SASH1: variants seen among roughly 807,000 people sequenced by gnomAD.
The protein encoded by SASH1 is SAM and SH3 domain-containing protein 1.
In SASH1, 44 loss-of-function variants were observed where a neutral mutation model predicts 125.2. The ratio of observed to expected loss-of-function variants is 0.35; its 90% CI spans 0.28 to 0.45. The LOEUF (loss-of-function observed/expected upper bound fraction) is 0.45, where lower values mean the gene tolerates loss of function less well. SASH1 is among the 20% of genes least tolerant of loss of function. SASH1 has a pLI of 1.00. For synonymous variants in SASH1, 639 were observed against 649.1 expected (o/e 0.98, Z 0.24); for missense variants, 1,426 against 1,614.5 (o/e 0.88, Z 2.00).
chr6:148,488,306 A>G (rs759464768), intron 8 of SASH1, among the ~76,000 whole-genome samples: 14 of 152,252 alleles, frequency 9.2e-5, no homozygotes, highest in Non-Finnish European at 1.3e-4. Flanking sequence ...TCCACGCTGC[A>G]GCATGTATCA....
upstream of SASH1, among the ~76,000 whole-genome samples, chr6:148,269,760 G>A (rs1166393522): frequency 6.6e-6 from 1 of 152,076 alleles, no homozygotes; most frequent in Non-Finnish European, 1.5e-5. Flanking sequence ...AGGGGTGTGG[G>A]GGGGCACAAT....
intron 1 of SASH1, among the ~76,000 whole-genome samples, chr6:148,370,366 A>G (rs1232905799): frequency 1.3e-5 from 2 of 152,218 alleles, no homozygotes; most frequent in Non-Finnish European, 2.9e-5. Flanking sequence ...AAGTTTTGAA[A>G]TACTGGTCCC....
At chr6:148,334,682 C>T (rs1447556330) in intron 1 of SASH1, among the ~76,000 whole-genome samples, 1 of 149,246 alleles carries the variant, frequency 6.7e-6, no homozygotes, top group Non-Finnish European at 1.5e-5. Flanking sequence ...TGTGGTGGCA[C>T]GCGCGTGTAA....
intron 1 of SASH1, among the ~76,000 whole-genome samples, chr6:148,371,051 G>A (rs1039769277): frequency 3.3e-5 from 5 of 152,142 alleles, no homozygotes; most frequent in South Asian, 4.1e-4. Flanking sequence ...CTTGAATGTT[G>A]CTGTGAGAAT....
At chr6:148,332,394 A>C (rs1781020935) in intron 1 of SASH1, among the ~76,000 whole-genome samples, 1 of 152,242 alleles carries the variant, frequency 6.6e-6, no homozygotes, top group East Asian at 1.9e-4. Flanking sequence ...ATGGTAAAAA[A>C]TAAATTGGAC....
At chr6:148,221,411 T>A in the SASH1 span, among the ~76,000 whole-genome samples, 2 of 152,216 alleles carry the variant, frequency 1.3e-5, no homozygotes, top group Admixed American at 6.5e-5. Context: ...ATCTTTTGCA[T>A]AGCTGTATGC....
chr6:148,448,077 C>T (rs1776885521), intron 4 of SASH1, among the ~76,000 whole-genome samples: 1 of 151,606 alleles, frequency 6.6e-6, no homozygotes, highest in Non-Finnish European at 1.5e-5. Context: ...TTGGCCTCTA[C>T]ACCCCCTGGA....
rs755726868 is a variant in SASH1 at position 148,544,454 on chromosome 6, G to T, written c.2984G>T (p.Arg995Leu). The change falls in exon 18 of 20, where the codon CGC (arginine) becomes CTC (leucine). Residue 995 changes from arginine (R) to leucine (L), a missense_variant. Around this residue, in one of 3 missense-constraint regions of SASH1, gnomAD observed 634 missense variants for 694.4 expected, o/e 0.91. Transcript: ENST00000367467. This position sits in a 1 kb window ranked among gnomAD's most constrained non-coding sequence, Gnocchi z 6.4. ...GTTCCTGCCAAAAAGAGCAGAGAAC[G>T]CCTTGCTAACGGACTCCACCCTGTT... ...PPVPAKKSRE[R>L]LANGLHPVPM... The T allele has an allele frequency of 4.3e-6, 7 of 1,614,002 alleles. No individual in the cohort carries two copies. In the South Asian group the frequency reaches 7.7e-5, roughly 18 times the overall value.
At chr6:148,434,289 G>A (rs1776201913) in intron 2 of SASH1, among the ~76,000 whole-genome samples, 1 of 151,638 alleles carries the variant, frequency 6.6e-6, no homozygotes, top group South Asian at 2.1e-4. Context: ...GTTAGCCAGG[G>A]TGGTCTCAAT....
Position 148,551,415 on chromosome 6 carries a change from A to C in SASH1, c.*2857A>C, listed in dbSNP as rs1181253806. 1 of 152,592 alleles carries C rather than the reference A, an allele frequency of 6.6e-6. No individual in the cohort carries two copies. Among genetic ancestry groups the C allele is most frequent in the African/African-American group, 2.4e-5 (1 of 41,452 alleles). The allele number at this position is 152,592 out of a possible 1,614,324, so 9.5% of individuals were successfully genotyped here. ...AACATTGTGTATGATTTTCACTTCAAAGCTGTCTGGAAGGAAATGCAGTCA... is the reference window on the plus strand; with the variant it reads ...AACATTGTGTATGATTTTCACTTCACAGCTGTCTGGAAGGAAATGCAGTCA... On this transcript the variant is annotated 3_prime_UTR_variant, in exon 20 of 20. Transcript: ENST00000367467.
chr6:148,282,119 T>C (rs1234026398), intron 1 of SASH1, among the ~76,000 whole-genome samples: 1 of 152,166 alleles, frequency 6.6e-6, no homozygotes, highest in Non-Finnish European at 1.5e-5. Flanking sequence ...GTATCCCCAC[T>C]TCAGGGTCCA....
At chr6:148,390,558 G>A (rs1214571062) in intron 2 of SASH1, among the ~76,000 whole-genome samples, 3 of 152,164 alleles carry the variant, frequency 2.0e-5, no homozygotes, top group Non-Finnish European at 4.4e-5. Context: ...AGGCCCAGGC[G>A]GGCGGATCAC....
At chr6:148,199,805 A>AG in the SASH1 span, among the ~76,000 whole-genome samples, 29 of 151,894 alleles carry the variant, frequency 1.9e-4, no homozygotes, top group African/African-American at 6.8e-4. Flanking sequence ...AGAGAGAGAA[A>AG]GAAAAAGAGA....
At chr6:148,545,854 T>C (rs1347445920) in intron 18 of SASH1, among the ~76,000 whole-genome samples, 161 bp from the exon 19 acceptor site, 1 of 152,250 alleles carries the variant, frequency 6.6e-6, no homozygotes, top group African/African-American at 2.4e-5. Flanking sequence ...GGCGAGAAGA[T>C]CGCTTGAGCC....
intron 1 of SASH1, among the ~76,000 whole-genome samples, chr6:148,292,296 C>T (rs772233912): frequency 1.6e-4 from 25 of 151,998 alleles, no homozygotes; most frequent in Admixed American, 5.2e-4. Flanking sequence ...CACCATCTGC[C>T]CTGAGCTCTG....
chr6:148,283,532 G>A (rs749623271), intron 1 of SASH1: 1 of 152,314 alleles, frequency 6.6e-6, no homozygotes, highest in Non-Finnish European at 1.5e-5. Flanking sequence ...AGCACTTTGG[G>A]AGGCAGAGGA....
the SASH1 span, among the ~76,000 whole-genome samples, chr6:148,200,131 T>TA: frequency 7.2e-5 from 11 of 152,286 alleles, no homozygotes; most frequent in African/African-American, 2.4e-4. Context: ...GGTTAAAAAA[T>TA]AAAAAAGTGG....
intron 1 of SASH1, among the ~76,000 whole-genome samples, chr6:148,291,056 T>C (rs1456776436): frequency 6.6e-6 from 1 of 151,448 alleles, no homozygotes; most frequent in African/African-American, 2.4e-5. Flanking sequence ...TGGAGTGCAG[T>C]GGTGCAAATC....
chr6:148,223,461 C>A, the SASH1 span, among the ~76,000 whole-genome samples: 1 of 152,142 alleles, frequency 6.6e-6, no homozygotes, highest in Non-Finnish European at 1.5e-5. Context: ...TGAGTTCAAC[C>A]AAGAGGCTTC....
Sources: allele counts gnomAD v4.1 joint callset (sites outside exome capture counted in the v4.1 genomes callset), GRCh38; gene constraint gnomAD v4.1.1; regional missense constraint gnomAD v4.1.1; non-coding constraint Gnocchi (gnomAD v3.1); transcripts MANE v1.5; gene names NCBI Gene and HGNC (gene_info 2026-07-23, HGNC 2026-07-21).